MAP3K1: variants seen among roughly 807,000 people sequenced by gnomAD.
MAP3K1 encodes the protein MAP/ERK kinase kinase 1.
MAP3K1 carries 36 observed loss-of-function variants against 144.2 expected under a neutral mutation model. That is an observed-to-expected ratio of 0.25 (90% CI 0.19 to 0.33). The LOEUF is 0.33. MAP3K1 is among the 10% of genes least tolerant of loss of function. The probability of loss-of-function intolerance (pLI) is 1.00; values close to 1 mark genes in which losing one functional copy is unlikely to be tolerated. For missense variants in MAP3K1, 1,650 were observed against 1,881.9 expected (o/e 0.88, Z 2.28); for synonymous variants, 718 against 688.7 (o/e 1.04, Z -0.67).
At chr5:56,840,069 T>C (rs904168769) in intron 1 of MAP3K1, among the ~76,000 whole-genome samples, 1 of 152,252 alleles carries the variant, frequency 6.6e-6, no homozygotes, top group Non-Finnish European at 1.5e-5. Context: ...AAGTTGGTTT[T>C]AAAGTCAAAG....
intron 1 of MAP3K1, among the ~76,000 whole-genome samples, chr5:56,827,842 T>C (rs758910878): frequency 2.0e-5 from 3 of 150,936 alleles, no homozygotes; most frequent in Non-Finnish European, 2.9e-5. Flanking sequence ...CCAGCCTGGG[T>C]GACATGACGA....
chr5:56,819,880 A>G (rs1287959436), intron 1 of MAP3K1, among the ~76,000 whole-genome samples: 2 of 152,232 alleles, frequency 1.3e-5, no homozygotes. Flanking sequence ...TATTAATGTG[A>G]GGAAATGTGT....
intron 1 of MAP3K1, among the ~76,000 whole-genome samples, chr5:56,826,482 G>A (rs1746318132): frequency 9.3e-6 from 1 of 108,074 alleles, no homozygotes; most frequent in Non-Finnish European, 2.5e-5. Flanking sequence ...GCTCAGAGAT[G>A]TGGTCTCAGG....
chr5:56,861,667 A>G (rs1028530751), intron 3 of MAP3K1, among the ~76,000 whole-genome samples: 1 of 152,150 alleles, frequency 6.6e-6, no homozygotes, highest in African/African-American at 2.4e-5. Context: ...TACTTTAATC[A>G]AAACATCATA....
intron 9 of MAP3K1, among the ~76,000 whole-genome samples, chr5:56,874,055 C>A (rs984418171): frequency 2.6e-5 from 4 of 152,124 alleles, no homozygotes; most frequent in African/African-American, 9.7e-5. Context: ...GCTCTACATT[C>A]CTAGCTTTTT....
chr5:56,884,198 A>T (rs1180320419), intron 15 of MAP3K1, among the ~76,000 whole-genome samples: 1 of 152,224 alleles, frequency 6.6e-6, no homozygotes, highest in Non-Finnish European at 1.5e-5. Context: ...CTACAATATC[A>T]AGATGGGCCT....
rs747819270 is a variant in MAP3K1 at position 56,882,116 on chromosome 5, A to G, written c.2916A>G (p.Leu972=). The change falls in exon 14 of 20, where the codon TTA becomes TTG. Residue 972 remains leucine (L), a synonymous_variant. Transcript: ENST00000399503. ...PHSQCLNSSP[L]SHHSQLMFPA... ...GTCAGTGTTTGAACTCCTCTCCTTTATCTCATCATTCCCAATTAATGTTTC... is the reference window on the plus strand; with the variant it reads ...GTCAGTGTTTGAACTCCTCTCCTTTGTCTCATCATTCCCAATTAATGTTTC... 2.5e-6 allele frequency: 4 copies of G among 1,614,120 alleles called. No homozygotes were observed. The highest frequency in any genetic ancestry group is 2.2e-5 in the East Asian group (1 of 44,878).
chr5:56,815,940 C>T lies in MAP3K1; in HGVS notation c.367C>T (p.His123Tyr), dbSNP rs1189576862. The change falls in exon 1 of 20, where the codon CAC becomes TAC. Residue 123 changes from histidine to tyrosine, a missense_variant. By Grantham distance (83) the His-to-Tyr change is moderately conservative. Around this residue, in one of 6 missense-constraint regions of MAP3K1, gnomAD observed 360 missense variants for 274.7 expected, o/e 1.31. Coordinates refer to ENST00000399503, the MANE Select transcript of MAP3K1 (RefSeq NM_005921.2). ...PHGAASRGGAHLTESVAAPDS... is the reference protein window; with the variant it reads ...PHGAASRGGAYLTESVAAPDS... ...CGGAGCCGCGAGCCGCGGCGGCGCC[C>T]ACCTTACCGAGTCGGTGGCGGCGCC... 2 of 1,259,522 alleles carry T rather than the reference C, an allele frequency of 1.6e-6. No individual in the cohort carries two copies. Among genetic ancestry groups the T allele is most frequent in the Non-Finnish European group, 2.0e-6 (2 of 1,004,184 alleles). The allele number at this position is 1,259,522 out of a possible 1,614,324, so 78.0% of individuals were successfully genotyped here.
intron 1 of MAP3K1, among the ~76,000 whole-genome samples, chr5:56,845,613 G>T (rs1245302534): frequency 1.3e-5 from 2 of 151,904 alleles, no homozygotes; most frequent in African/African-American, 4.9e-5. Flanking sequence ...TTCTTAAAAG[G>T]AAAAACACGT....
rs181104370 is a variant in MAP3K1 at position 56,894,392 on chromosome 5, T to G, written c.*712T>G. The G allele has an allele frequency of 4.3e-6, 1 of 232,408 alleles. No homozygotes were observed. Among genetic ancestry groups the G allele is most frequent in the Non-Finnish European group, 8.5e-6 (1 of 117,688 alleles). The allele number at this position is 232,408 out of a possible 1,614,324, so 14.4% of individuals were successfully genotyped here. A position where few individuals can be genotyped will look rare whatever the true frequency, so the allele number is the denominator to read the frequency against. The stretch of plus-strand genomic sequence containing the variant: ...CCAGAAAAAAAAAATGAACTAGATA[T>G]GAAGTAGAGTTCATTAAATATCTTG... On this transcript the variant is annotated 3_prime_UTR_variant, in exon 20 of 20. Transcript: ENST00000399503.
chr5:56,839,248 G>A (rs749218446), intron 1 of MAP3K1, among the ~76,000 whole-genome samples: 2 of 152,134 alleles, frequency 1.3e-5, no homozygotes, highest in Admixed American at 6.6e-5. Flanking sequence ...TGAGAATTTC[G>A]CATAGTCATT....
intron 1 of MAP3K1, among the ~76,000 whole-genome samples, chr5:56,855,177 C>CT (rs1204254188): frequency 2.0e-5 from 3 of 151,702 alleles, no homozygotes; most frequent in African/African-American, 7.3e-5. Flanking sequence ...TCCCCCCTTC[C>CT]TCTTTCCTTC....
In MAP3K1 at chr5:56,829,662, T is replaced by C. The variant is rs77637578; in HGVS notation, c.482+13607T>C. On this transcript the variant is annotated intron_variant, in intron 1 of 19. Transcript: ENST00000399503. ...CTTACTGTTGTGATCAGTTATTAGA[T>C]ATTTATTTGGGGCACTTACTCTGTG... Among the ~76,000 whole-genome samples, 856 of 152,328 alleles carry C rather than the reference T, an allele frequency of 5.6e-3. 5 individuals carry two copies. The highest frequency in any genetic ancestry group is 0.019 in the African/African-American group (786 of 41,558).
At chr5:56,854,455 GAAA>G (rs1561181509) in intron 1 of MAP3K1, among the ~76,000 whole-genome samples, 1 of 126,726 alleles carries the variant, frequency 7.9e-6, no homozygotes, top group Non-Finnish European at 1.7e-5. Flanking sequence ...AAAAAAGAAA[GAAA>G]AAAGAAAAAA....
intron 1 of MAP3K1, among the ~76,000 whole-genome samples, chr5:56,856,098 A>G (rs1016921066): frequency 3.3e-5 from 5 of 152,220 alleles, no homozygotes; most frequent in African/African-American, 9.6e-5. Context: ...TCACTGTTCT[A>G]TGAAAATAAA....
At chr5:56,888,112 T>C in intron 18 of MAP3K1, 114 bp from the exon 19 acceptor site, 1 of 891,470 alleles carries the variant, frequency 1.1e-6, no homozygotes, top group South Asian at 1.4e-5. Flanking sequence ...GTCCACAGAA[T>C]TCCTGTTTGT....
chr5:56,815,648 C>A lies in MAP3K1; in HGVS notation c.75C>A (p.Gly25=). 1 of 1,334,548 alleles carries A rather than the reference C, an allele frequency of 7.5e-7. No homozygotes were observed. The allele number at this position is 1,334,548 out of a possible 1,614,324, so 82.7% of individuals were successfully genotyped here. A position where few individuals can be genotyped will look rare whatever the true frequency, so the allele number is the denominator to read the frequency against. The change falls in exon 1 of 20, where the codon GGC becomes GGA. Residue 25 remains glycine (G), a synonymous_variant. Transcript: ENST00000399503. The stretch of plus-strand genomic sequence containing the variant: ...CCAGGGCTACGAGCCCTGAGGCAGG[C>A]GGCGGCGGAGGAGCCCTCAAGGCGA... ...PGARATSPEA[G]GGGGALKASS...
At chr5:56,868,754 G>A (rs1439355621) in intron 6 of MAP3K1, among the ~76,000 whole-genome samples, 1 of 152,124 alleles carries the variant, frequency 6.6e-6, no homozygotes, top group Non-Finnish European at 1.5e-5. Flanking sequence ...ACTTAAAACA[G>A]GATCTATCTA....
In MAP3K1 at chr5:56,865,302, G is replaced by A. The variant is rs900696151; in HGVS notation, c.1036-38G>A. The A allele has an allele frequency of 3.5e-6, 4 of 1,137,896 alleles. No homozygotes were observed. In the Admixed American group the frequency reaches 6.9e-5, roughly 20 times the overall value. The allele number at this position is 1,137,896 out of a possible 1,614,324, so 70.5% of individuals were successfully genotyped here. A position where few individuals can be genotyped will look rare whatever the true frequency, so the allele number is the denominator to read the frequency against. On this transcript the variant is annotated intron_variant, in intron 4 of 19. Coordinates refer to ENST00000399503, the MANE Select transcript of MAP3K1 (RefSeq NM_005921.2). ...AATTTAGAAGTTCTTGTGAACCACA[G>A]ATGTATTAACCTATAGGTTTTCTTT... is the stretch of plus-strand genomic sequence containing the variant.
Sources: allele counts gnomAD v4.1 joint callset (sites outside exome capture counted in the v4.1 genomes callset), GRCh38; gene constraint gnomAD v4.1.1; regional missense constraint gnomAD v4.1.1; transcripts MANE v1.5; gene names NCBI Gene and HGNC (gene_info 2026-07-23, HGNC 2026-07-21).